Variants in ZMYM2 observed in about 807,000 individuals in gnomAD.
ZMYM2 encodes the protein zinc finger MYM-type protein 2.
Under a neutral mutation model 162.8 loss-of-function variants are expected in ZMYM2, and 56 were observed. The observed-to-expected ratio is 0.34, with a 90% CI of 0.28 to 0.43. The LOEUF (loss-of-function observed/expected upper bound fraction) is 0.43, where lower values mean the gene tolerates loss of function less well. Ranked by LOEUF, ZMYM2 falls within the 20% of genes least tolerant of loss-of-function variation. The probability of loss-of-function intolerance (pLI) is 1.00; values close to 1 mark genes in which losing one functional copy is unlikely to be tolerated. For synonymous variants in ZMYM2, 510 were observed against 541.6 expected, an observed-to-expected ratio of 0.94 and a Z score of 0.81; for missense variants, 1,275 against 1,621.8, an observed-to-expected ratio of 0.79 and a Z score of 3.67.
chr13:19,957,697 G>C (rs1353201174), upstream of ZMYM2, among the ~76,000 whole-genome samples: 1 of 152,242 alleles, frequency 6.6e-6, no homozygotes, highest in Admixed American at 6.5e-5. Flanking sequence ...GGTGGCAGGC[G>C]GTAGAGAGGC....
chr13:19,927,902 A>G, the ZMYM2 span, among the ~76,000 whole-genome samples: 1 of 152,190 alleles, frequency 6.6e-6, no homozygotes, highest in Non-Finnish European at 1.5e-5. Context: ...AATAAAATTG[A>G]GCATCTTTTA....
chr13:20,058,960 C>T (rs1280318347), intron 15 of ZMYM2: 1 of 559,186 alleles, frequency 1.8e-6, no homozygotes, highest in African/African-American at 1.9e-5. Flanking sequence ...CGAAAATTTC[C>T]TTGGGGATAA....
intron 3 of ZMYM2, among the ~76,000 whole-genome samples, chr13:19,996,119 G>A (rs1166438834): frequency 2.0e-5 from 3 of 151,974 alleles, no homozygotes; most frequent in African/African-American, 7.3e-5. Flanking sequence ...GCCTCTCTCT[G>A]ACCCATTCTG....
the ZMYM2 span, among the ~76,000 whole-genome samples, chr13:19,884,454 C>T: frequency 6.6e-6 from 1 of 151,940 alleles, no homozygotes. Context: ...GGCGGGCGGC[C>T]GTGGTCCCAG....
chr13:19,970,764 G>A (rs961268408), intron 2 of ZMYM2, among the ~76,000 whole-genome samples: 1 of 152,120 alleles, frequency 6.6e-6, no homozygotes, highest in Non-Finnish European at 1.5e-5. Flanking sequence ...GCAGTCTTCT[G>A]GGGGTTACAG....
Position 20,085,891 on chromosome 13 carries a change from C to T in ZMYM2, c.4011C>T (p.Ser1337=). ...CAGAATGCTCTAGTTCTACAGATAG[C>T]CCTGTCTGGTATACGTCTACTTCAC... ...LQPECSSSTD[S]PVWYTSTSLD... Residue 1337 remains serine, a synonymous_variant, in exon 25 of 25, where the codon AGC becomes AGT. Coordinates refer to ENST00000610343, the MANE Select transcript of ZMYM2 (RefSeq NM_197968.4). 1 of 1,613,626 alleles carries T rather than the reference C, an allele frequency of 6.2e-7. No homozygotes were observed. The highest frequency in any genetic ancestry group is 1.1e-5 in the South Asian group (1 of 91,026).
intron 6 of ZMYM2, among the ~76,000 whole-genome samples, chr13:20,009,147 A>G (rs1189224885): frequency 6.6e-6 from 1 of 152,216 alleles, no homozygotes; most frequent in East Asian, 1.9e-4. Flanking sequence ...TTAGCCCTAT[A>G]TAAAAATGTT....
intron 2 of ZMYM2, among the ~76,000 whole-genome samples, chr13:19,987,251 T>A (rs568727773): frequency 4.7e-4 from 70 of 149,800 alleles, no homozygotes; most frequent in African/African-American, 1.5e-3. Context: ...ATAATGTAAA[T>A]AAACAATGCA....
upstream of ZMYM2, among the ~76,000 whole-genome samples, chr13:19,954,330 G>GTGTTAACCAGGA (rs1555269867): frequency 6.6e-6 from 1 of 150,942 alleles, no homozygotes; most frequent in Admixed American, 6.6e-5. Flanking sequence ...GGGTTTCACC[G>GTGTTAACCAGGA]TGGTCTCGAT....
the ZMYM2 span, among the ~76,000 whole-genome samples, chr13:19,879,743 A>G: frequency 6.6e-6 from 1 of 152,152 alleles, no homozygotes; most frequent in Non-Finnish European, 1.5e-5. Context: ...TAGTATTGAT[A>G]TTGTGATGGC....
the ZMYM2 span, among the ~76,000 whole-genome samples, chr13:19,867,924 C>A: frequency 6.6e-6 from 1 of 152,218 alleles, no homozygotes; most frequent in Non-Finnish European, 1.5e-5. Context: ...CTGCACCCAG[C>A]CTGAAACCAG....
chr13:19,968,237 C>T (rs768745996), intron 2 of ZMYM2, among the ~76,000 whole-genome samples: 1 of 152,124 alleles, frequency 6.6e-6, no homozygotes, highest in Non-Finnish European at 1.5e-5. Context: ...CTTCACTTCC[C>T]CTCGCTAGAC....
At chr13:19,953,449 C>T in the ZMYM2 span, among the ~76,000 whole-genome samples, 1 of 152,106 alleles carries the variant, frequency 6.6e-6, no homozygotes, top group African/African-American at 2.4e-5. Flanking sequence ...CTTTGGGAGG[C>T]TGAGGCGGGT....
In ZMYM2 at chr13:20,030,679, T is replaced by C. The variant is rs1436466102; in HGVS notation, c.1852-640T>C. Among the ~76,000 whole-genome samples the C allele has an allele frequency of 2.0e-5, 3 of 152,278 alleles. No homozygotes were observed. In the East Asian group the frequency reaches 5.8e-4, roughly 29 times the overall value. ...TCCCAAAGTGCCGGGATTACAGGCA[T>C]GAGCCACCACGCCTGGCCTAATTTT... On this transcript the variant is annotated intron_variant, in intron 9 of 24. Coordinates refer to ENST00000610343, the MANE Select transcript of ZMYM2 (RefSeq NM_197968.4).
At chr13:20,059,132 TTAAA>T (rs1173771440) in intron 15 of ZMYM2, among the ~76,000 whole-genome samples, 3 of 152,208 alleles carry the variant, frequency 2.0e-5, no homozygotes, top group Admixed American at 6.5e-5. Context: ...AATTATTTGA[TTAAA>T]TAAGCCTTTG....
chr13:20,031,532 A>AT, intron 10 of ZMYM2, 97 bp downstream of exon 10: 1 of 784,322 alleles, frequency 1.3e-6, no homozygotes, highest in Middle Eastern at 2.7e-4. Context: ...TTCTTGGTAG[A>AT]TAAAAATATG....
intron 6 of ZMYM2, among the ~76,000 whole-genome samples, chr13:20,011,758 T>C: frequency 6.6e-6 from 1 of 151,700 alleles, no homozygotes; most frequent in Non-Finnish European, 1.5e-5. Context: ...GTTTTTTTTT[T>C]TTCTTTTTTG....
intron 2 of ZMYM2, among the ~76,000 whole-genome samples, chr13:19,969,657 T>C (rs1012962152): frequency 6.6e-6 from 1 of 152,226 alleles, no homozygotes; most frequent in Non-Finnish European, 1.5e-5. Flanking sequence ...TTAAGATTTA[T>C]TGAGGGTTGC....
chr13:20,067,609 C>T (rs1956777464), intron 21 of ZMYM2, among the ~76,000 whole-genome samples: 1 of 152,144 alleles, frequency 6.6e-6, no homozygotes, highest in Non-Finnish European at 1.5e-5. Context: ...TGATATGTAG[C>T]CACATCTGGC....
Sources: gnomAD v4.1 joint callset for allele counts (sites outside exome capture counted in the v4.1 genomes callset) on GRCh38, gnomAD v4.1.1 for gene constraint, MANE v1.5 for transcripts, NCBI Gene and HGNC (gene_info 2026-07-23, HGNC 2026-07-21) for gene names.